The following JPH2 variants were observed in gnomAD, a reference collection of about 807,000 sequenced individuals.
The protein encoded by JPH2 is junctophilin 2, also known as junctophilin-2.
In JPH2, 38 loss-of-function variants were observed where a neutral mutation model predicts 55.9. The ratio of observed to expected loss-of-function variants is 0.68; its 90% CI spans 0.52 to 0.89. The LOEUF (loss-of-function observed/expected upper bound fraction) is 0.89, where lower values mean the gene tolerates loss of function less well. Ranked by LOEUF, JPH2 falls within the 40% of genes least tolerant of loss-of-function variation. JPH2 has a pLI of 0.00. For missense variants in JPH2, 964 were observed against 1,037.6 expected (o/e 0.93, Z 0.97); for synonymous variants, 480 against 472.4 (o/e 1.02, Z -0.21).
intron 1 of JPH2, among the ~76,000 whole-genome samples, chr20:44,185,428 A>G (rs968984589): frequency 6.6e-6 from 1 of 151,850 alleles, no homozygotes; most frequent in African/African-American, 2.4e-5. Flanking sequence ...GTTTGAGACC[A>G]GTCTGGGCAA....
chr20:44,151,151 T>C (rs548857394), intron 2 of JPH2, among the ~76,000 whole-genome samples: 2 of 152,382 alleles, frequency 1.3e-5, no homozygotes, highest in Admixed American at 1.3e-4. Context: ...ATATGTTTCA[T>C]ATTTTCCCAT....
intron 2 of JPH2, among the ~76,000 whole-genome samples, chr20:44,142,290 G>A (rs1255405559): frequency 2.0e-5 from 3 of 152,172 alleles, no homozygotes; most frequent in Admixed American, 1.3e-4. Context: ...CTGAGACTGA[G>A]AAAGGAAACT....
intron 2 of JPH2, among the ~76,000 whole-genome samples, chr20:44,138,339 G>GTT (rs112581086): frequency 1.3e-5 from 2 of 151,190 alleles, no homozygotes; most frequent in African/African-American, 2.4e-5. Context: ...CTTACACGCT[G>GTT]TTTTTTAACT....
In JPH2 at chr20:44,129,747, T is replaced by C. The variant is rs183479106; in HGVS notation, c.1170-11124A>G. 2.6e-5 allele frequency among the ~76,000 whole-genome samples: 4 copies of C among 152,166 alleles called. No individual in the cohort carries two copies. The East Asian group carries it at 7.7e-4, about 29-fold the overall frequency. On this transcript the variant is annotated intron_variant, in intron 2 of 5. Coordinates refer to ENST00000372980, the MANE Select transcript of JPH2 (RefSeq NM_020433.5). ...TGTGATTAAATAAAGGATCTTGAGATAGATCATCCTGGATTAGACAGGAAG... is the reference window on the plus strand; with the variant it reads ...TGTGATTAAATAAAGGATCTTGAGACAGATCATCCTGGATTAGACAGGAAG...
chr20:44,161,345 T>C (rs2072608525), intron 1 of JPH2, among the ~76,000 whole-genome samples: 1 of 152,086 alleles, frequency 6.6e-6, no homozygotes, highest in Non-Finnish European at 1.5e-5. Flanking sequence ...ACTTAGGCCC[T>C]GCATGTACAC....
intron 3 of JPH2, among the ~76,000 whole-genome samples, chr20:44,117,458 C>G (rs2072201776): frequency 6.6e-6 from 1 of 152,244 alleles, no homozygotes; most frequent in African/African-American, 2.4e-5. Flanking sequence ...GCATGCTGCT[C>G]TGTCCGAGTT....
At chr20:44,133,619 C>G (rs533768903) in intron 2 of JPH2, among the ~76,000 whole-genome samples, 1 of 151,738 alleles carries the variant, frequency 6.6e-6, no homozygotes, top group African/African-American at 2.4e-5. Flanking sequence ...CCAGAGAGGG[C>G]TGGGTGTCTA....
At chr20:44,185,669 A>AGATG (rs34539425) in intron 1 of JPH2, among the ~76,000 whole-genome samples, 36,616 of 147,850 alleles carry the variant, frequency 0.25, 4,906 homozygotes, top group South Asian at 0.33. Context: ...GATGGATCAT[A>AGATG]GATGGATGGA....
chr20:44,160,004 C>G lies in JPH2; in HGVS notation c.783G>C (p.Ala261=), dbSNP rs201085317. The change falls in exon 2 of 6, where the codon GCG becomes GCC. Residue 261 remains alanine, a synonymous_variant. Coordinates refer to ENST00000372980, the MANE Select transcript of JPH2 (RefSeq NM_020433.5). This position sits in a 1 kb window ranked among gnomAD's most constrained non-coding sequence, Gnocchi z 4.9. ...SDLSSGASDA[A]STASLGEAAE... is the part of the protein sequence containing the mutation. The stretch of plus-strand genomic sequence containing the variant: ...CGGCCTCTCCCAGGCTGGCGGTGGA[C>G]GCGGCGTCGCTGGCGCCCGAGCTGA... 79 of 1,577,346 alleles carry G rather than the reference C, an allele frequency of 5.0e-5. 1 individual carries two copies. The African/African-American group carries it at 9.8e-4, about 20-fold the overall frequency.
intron 2 of JPH2, among the ~76,000 whole-genome samples, chr20:44,144,980 TGG>T (rs1569201715): frequency 1.3e-5 from 2 of 151,622 alleles, no homozygotes; most frequent in African/African-American, 2.4e-5. Flanking sequence ...GATGAAGAAA[TGG>T]AGGTACAGGA....
At chr20:44,174,837 C>T (rs1454689774) in intron 1 of JPH2, among the ~76,000 whole-genome samples, 3 of 151,806 alleles carry the variant, frequency 2.0e-5, no homozygotes, top group African/African-American at 7.3e-5. Context: ...ACTGAAACTA[C>T]AAAAAAGTAG....
intron 2 of JPH2, among the ~76,000 whole-genome samples, chr20:44,152,432 T>C (rs549624821): frequency 7.9e-5 from 12 of 152,232 alleles, no homozygotes; most frequent in African/African-American, 2.9e-4. Flanking sequence ...TCCCAGCTCT[T>C]AGGGAGACTA....
At chr20:44,126,176 AAGGAAGGAAGGAAGGG>A (rs2072275286) in intron 2 of JPH2, among the ~76,000 whole-genome samples, 2 of 68,738 alleles carry the variant, frequency 2.9e-5, no homozygotes, top group Admixed American at 1.5e-4. Flanking sequence ...GGGAGGAAGG[AAGGAAGGAAGGAAGGG>A]AGGAAGGAAG....
chr20:44,120,356 T>C lies in JPH2; in HGVS notation c.1170-1733A>G, dbSNP rs147232102. On this transcript the variant is annotated intron_variant, in intron 2 of 5. Coordinates refer to ENST00000372980, the MANE Select transcript of JPH2 (RefSeq NM_020433.5). ...ATTCATTGTCTTAAGTACCTGAGAT[T>C]TGGGAGATGTCTGTTTCAGCTGTCA... Among the ~76,000 whole-genome samples the C allele has an allele frequency of 7.9e-5, 12 of 152,286 alleles. No individual in the cohort carries two copies. The East Asian group carries it at 2.3e-3, about 29-fold the overall frequency.
chr20:44,171,869 T>C (rs560682200), intron 1 of JPH2, among the ~76,000 whole-genome samples: 4 of 152,322 alleles, frequency 2.6e-5, no homozygotes, highest in African/African-American at 9.6e-5. Flanking sequence ...GTCTCTGCTG[T>C]TAAGATACAT....
In JPH2 at chr20:44,186,496, A is replaced by G. The variant is rs750030282; in HGVS notation, c.210T>C (p.His70=). The change falls in exon 1 of 6, where the codon CAT becomes CAC. Residue 70 remains histidine (H), a synonymous_variant. Transcript: ENST00000372980. ...FEGYWSQGKR[H]GLGIETKGRW... is the part of the protein sequence containing the mutation. ...GCCCCTTGGTCTCTATGCCCAGCCC[A>G]TGCCGTTTGCCCTGGCTCCAGTATC... 1 of 1,613,938 alleles carries G rather than the reference A, an allele frequency of 6.2e-7. No individual in the cohort carries two copies. Among genetic ancestry groups the G allele is most frequent in the South Asian group, 1.1e-5 (1 of 91,060 alleles).
chr20:44,167,451 C>T (rs191078482), intron 1 of JPH2, among the ~76,000 whole-genome samples: 2 of 152,242 alleles, frequency 1.3e-5, no homozygotes, highest in Admixed American at 6.5e-5. Context: ...CCTCATGACT[C>T]GGCATGCAGT....
intron 2 of JPH2, among the ~76,000 whole-genome samples, chr20:44,155,955 G>C (rs1029768400): frequency 6.6e-6 from 1 of 151,234 alleles, no homozygotes; most frequent in African/African-American, 2.4e-5. Flanking sequence ...AGAATCACTT[G>C]AATCCAGGAG....
chr20:44,134,889 A>AATATATATTTATATATATATATAAAAT (rs1569195855), intron 2 of JPH2, among the ~76,000 whole-genome samples: 77 of 37,022 alleles, frequency 2.1e-3, no homozygotes, highest in African/African-American at 6.2e-3. Flanking sequence ...TATATATATT[A>AATATATATTTATATATATATATAAAAT]ATATATATTT....
Sources: allele counts gnomAD v4.1 joint callset (sites outside exome capture counted in the v4.1 genomes callset), GRCh38; gene constraint gnomAD v4.1.1; non-coding constraint Gnocchi (gnomAD v3.1); transcripts MANE v1.5; gene names NCBI Gene and HGNC (gene_info 2026-07-23, HGNC 2026-07-21).